COG5: variants seen among roughly 807,000 people sequenced by gnomAD.
COG5 encodes component of oligomeric golgi complex 5.
A neutral mutation model predicts 110.4 loss-of-function variants in COG5; 86 were observed. The ratio of observed to expected loss-of-function variants is 0.78; its 90% CI spans 0.65 to 0.93. COG5 has a LOEUF of 0.93. COG5 is among the 40% of genes least tolerant of loss of function. The pLI, the probability that COG5 is intolerant of heterozygous loss-of-function variation, is 0.00. For missense variants in COG5, 1,077 were observed against 987.0 expected (o/e 1.09, Z -1.22); for synonymous variants, 360 against 334.6 (o/e 1.08, Z -0.83).
intron 7 of COG5, among the ~76,000 whole-genome samples, chr7:107,411,386 C>T (rs1022590762): frequency 2.6e-5 from 4 of 151,736 alleles, no homozygotes; most frequent in South Asian, 4.2e-4. Context: ...TTCATCCTTA[C>T]AGGGAGACCT....
intron 6 of COG5, among the ~76,000 whole-genome samples, chr7:107,488,047 A>C (rs1797755720): frequency 6.6e-6 from 1 of 152,124 alleles, no homozygotes; most frequent in South Asian, 2.1e-4. Context: ...GTAACTTTAC[A>C]AATTAAAAAT....
At chr7:107,546,940 C>G (rs1451814891) in intron 5 of COG5, among the ~76,000 whole-genome samples, 1 of 152,052 alleles carries the variant, frequency 6.6e-6, no homozygotes, top group African/African-American at 2.4e-5. Flanking sequence ...TTGAATTCTA[C>G]CATACATTTA....
At chr7:107,332,202 G>T (rs796229838) in intron 10 of COG5, among the ~76,000 whole-genome samples, 13 of 152,240 alleles carry the variant, frequency 8.5e-5, no homozygotes, top group African/African-American at 3.1e-4. Flanking sequence ...AGTGTTATCA[G>T]CATTTAGAGG....
intron 6 of COG5, among the ~76,000 whole-genome samples, chr7:107,417,016 G>C (rs1052982809): frequency 5.3e-5 from 8 of 152,258 alleles, no homozygotes; most frequent in African/African-American, 1.7e-4. Flanking sequence ...AGAAATTTAT[G>C]AATCTCCAAA....
intron 6 of COG5, among the ~76,000 whole-genome samples, chr7:107,427,692 C>T (rs1010648366): frequency 3.3e-5 from 5 of 152,062 alleles, no homozygotes; most frequent in African/African-American, 1.2e-4. Flanking sequence ...ACTCAGCCCA[C>T]TGGGCTGTGC....
rs776849398 is a variant in COG5, at chr7:107,558,144, C to T, written c.95-29G>A. ...GATTGGGGAAAAAATAAGGAAAAGT[C>T]CTTAATTACCCTGTACTAAACCAGT... is the stretch of plus-strand genomic sequence containing the variant. On this transcript the variant is annotated intron_variant, in intron 1 of 21. Coordinates refer to ENST00000297135, the MANE Select transcript of COG5 (RefSeq NM_006348.5). The T allele has an allele frequency of 4.4e-6, 7 of 1,606,910 alleles. No homozygotes were observed. The South Asian group carries it at 6.6e-5, about 15-fold the overall frequency.
chr7:107,433,010 C>T (rs566775510), intron 6 of COG5, among the ~76,000 whole-genome samples: 6 of 151,732 alleles, frequency 4.0e-5, no homozygotes, highest in Non-Finnish European at 7.4e-5. Context: ...CAACACACAA[C>T]AATCAGTTGC....
intron 11 of COG5, among the ~76,000 whole-genome samples, chr7:107,315,155 A>T (rs3801960): frequency 7.1e-6 from 1 of 140,252 alleles, no homozygotes; most frequent in East Asian, 2.0e-4. Context: ...ATACTATTCT[A>T]ATCTTTTTTT....
intron 7 of COG5, among the ~76,000 whole-genome samples, chr7:107,378,908 A>C (rs894343799): frequency 1.3e-5 from 2 of 152,214 alleles, no homozygotes; most frequent in South Asian, 2.1e-4. Context: ...ATTCAAATTC[A>C]GGAAATACAG....
chr7:107,373,794 G>A (rs1028526402), intron 7 of COG5, among the ~76,000 whole-genome samples: 2 of 152,150 alleles, frequency 1.3e-5, no homozygotes, highest in Non-Finnish European at 2.9e-5. Context: ...TCACGCATTA[G>A]TAAGTGTCTG....
intron 1 of COG5, among the ~76,000 whole-genome samples, chr7:107,561,841 T>C (rs1455010985): frequency 6.6e-6 from 1 of 151,990 alleles, no homozygotes; most frequent in African/African-American, 2.4e-5. Flanking sequence ...CTAGGCATAG[T>C]GATGGGCGCT....
chr7:107,459,082 G>T (rs981821323), intron 6 of COG5, among the ~76,000 whole-genome samples: 3 of 151,710 alleles, frequency 2.0e-5, no homozygotes, highest in African/African-American at 7.3e-5. Context: ...CAAATGAGAG[G>T]CAGAAGATGT....
chr7:107,505,850 T>A (rs1224669024), intron 6 of COG5, among the ~76,000 whole-genome samples: 1 of 152,174 alleles, frequency 6.6e-6, no homozygotes, highest in Non-Finnish European at 1.5e-5. Flanking sequence ...CTGTTGTTCC[T>A]CTGGGTCTAG....
chr7:107,371,756 T>C (rs923069140), intron 8 of COG5, among the ~76,000 whole-genome samples: 1 of 151,962 alleles, frequency 6.6e-6, no homozygotes, highest in African/African-American at 2.4e-5. Context: ...GGGAAAGAGA[T>C]GCAAAGAAAG....
In COG5 at chr7:107,503,369, A is replaced by G. The variant is rs141880459; in HGVS notation, c.538+23868T>C. Among the ~76,000 whole-genome samples, 18 of 152,166 alleles carry G rather than the reference A, an allele frequency of 1.2e-4. No homozygotes were observed. The East Asian group carries it at 3.5e-3, about 29-fold the overall frequency. On this transcript the variant is annotated intron_variant, in intron 6 of 21. Coordinates refer to ENST00000297135, the MANE Select transcript of COG5 (RefSeq NM_006348.5). Reference sequence around the variant, plus strand: ...TCATTGGGTCTATGTGCCTACTTTTATACCAGAACCATGCTGTTCTGGTAA... The same window carrying G: ...TCATTGGGTCTATGTGCCTACTTTTGTACCAGAACCATGCTGTTCTGGTAA...
intron 5 of COG5, among the ~76,000 whole-genome samples, chr7:107,544,355 C>T (rs1224481646): frequency 6.6e-6 from 1 of 152,184 alleles, no homozygotes; most frequent in East Asian, 1.9e-4. Context: ...GGTCAGCTCC[C>T]AAGGGACCAG....
chr7:107,349,787 T>G (rs998210169), intron 10 of COG5, among the ~76,000 whole-genome samples: 1 of 152,200 alleles, frequency 6.6e-6, no homozygotes, highest in South Asian at 2.1e-4. Flanking sequence ...CTCGATCTCC[T>G]GACCTGGTGA....
chr7:107,457,589 C>T (rs147788745), intron 6 of COG5, among the ~76,000 whole-genome samples: 264 of 151,996 alleles, frequency 1.7e-3, no homozygotes, highest in African/African-American at 6.0e-3. Flanking sequence ...CCACCATGCC[C>T]GGCTAATTTT....
At chr7:107,401,124 T>C (rs1791391957) in intron 7 of COG5, among the ~76,000 whole-genome samples, 1 of 151,996 alleles carries the variant, frequency 6.6e-6, no homozygotes, top group Non-Finnish European at 1.5e-5. Context: ...AAATAATTCT[T>C]AGCACTGCGG....
Sources: gnomAD v4.1 joint callset for allele counts (sites outside exome capture counted in the v4.1 genomes callset) on GRCh38, gnomAD v4.1.1 for gene constraint, MANE v1.5 for transcripts, NCBI Gene and HGNC (gene_info 2026-07-23, HGNC 2026-07-21) for gene names.